DACH1: variants seen among roughly 807,000 people sequenced by gnomAD.
DACH1 encodes dachshund family transcription factor 1.
A neutral mutation model predicts 54.2 loss-of-function variants in DACH1; 12 were observed. The observed-to-expected ratio is 0.22, with a 90% CI of 0.14 to 0.36. The LOEUF is 0.36. DACH1 is among the 10% of genes least tolerant of loss of function. The probability of loss-of-function intolerance (pLI) is 1.00; values close to 1 mark genes in which losing one functional copy is unlikely to be tolerated. For missense variants in DACH1, 805 were observed against 929.8 expected, an observed-to-expected ratio of 0.87 and a Z score of 1.75; for synonymous variants, 386 against 366.2, an observed-to-expected ratio of 1.05 and a Z score of -0.62.
At chr13:71,820,455 T>C (rs888675042) in intron 1 of DACH1, among the ~76,000 whole-genome samples, 2 of 152,122 alleles carry the variant, frequency 1.3e-5, no homozygotes, top group South Asian at 4.1e-4. Flanking sequence ...CAGGGCTTTG[T>C]AGAGTATGGT....
chr13:71,744,811 G>A (rs1312081166), intron 1 of DACH1, among the ~76,000 whole-genome samples: 2 of 152,092 alleles, frequency 1.3e-5, no homozygotes, highest in Non-Finnish European at 2.9e-5. Context: ...AAACATCATA[G>A]GTTAAAAGTG....
At chr13:71,551,682 T>C (rs1200347391) in intron 6 of DACH1, among the ~76,000 whole-genome samples, 1 of 152,090 alleles carries the variant, frequency 6.6e-6, no homozygotes, top group Non-Finnish European at 1.5e-5. Flanking sequence ...AATAAAAATA[T>C]ATTTCAAAAA....
At chr13:71,594,314 A>C (rs930610399) in intron 3 of DACH1, among the ~76,000 whole-genome samples, 3 of 152,080 alleles carry the variant, frequency 2.0e-5, no homozygotes, top group Non-Finnish European at 4.4e-5. Context: ...AAAGCTATTT[A>C]ATTTACAAAA....
intron 7 of DACH1, among the ~76,000 whole-genome samples, chr13:71,487,234 T>C (rs1878611122): frequency 6.6e-6 from 1 of 152,168 alleles, no homozygotes; most frequent in South Asian, 2.1e-4. Context: ...GGAATAGAAA[T>C]AAATTATTTA....
intron 3 of DACH1, among the ~76,000 whole-genome samples, chr13:71,600,837 C>G (rs1874436907): frequency 6.6e-6 from 1 of 151,928 alleles, no homozygotes. Context: ...AAGTCATTCT[C>G]AAAACTGACT....
At position 71,587,952 on chromosome 13, in the gene DACH1, A is replaced by G. The variant is rs569912737; in HGVS notation, c.1127-14940T>C. ...GTTGTGTAGCAATGATTCTGTATCAATTACATTCGGTTGGTCCTGTAGGGC... is the reference window on the plus strand; with the variant it reads ...GTTGTGTAGCAATGATTCTGTATCAGTTACATTCGGTTGGTCCTGTAGGGC... On this transcript the variant is annotated intron_variant, in intron 3 of 10. Transcript: ENST00000613252. Among the ~76,000 whole-genome samples, 40 of 152,240 alleles carry G rather than the reference A, an allele frequency of 2.6e-4. 1 individual carries two copies. In the South Asian group the frequency reaches 7.2e-3, roughly 28 times the overall value.
chr13:71,784,113 T>C (rs571356908), intron 1 of DACH1, among the ~76,000 whole-genome samples: 2 of 152,182 alleles, frequency 1.3e-5, no homozygotes, highest in African/African-American at 4.8e-5. Flanking sequence ...AGGTGATGTA[T>C]ACTTTAGCAC....
chr13:71,509,907 C>T (rs1015722720), intron 6 of DACH1, among the ~76,000 whole-genome samples: 2 of 151,966 alleles, frequency 1.3e-5, no homozygotes, highest in Non-Finnish European at 2.9e-5. Flanking sequence ...TTATCTTTTC[C>T]TCACAATTTA....
At chr13:71,619,748 T>C (rs1453460276) in intron 3 of DACH1, among the ~76,000 whole-genome samples, 1 of 151,974 alleles carries the variant, frequency 6.6e-6, no homozygotes, top group East Asian at 1.9e-4. Context: ...ATGTGGGGTT[T>C]GTGTATGAGT....
At chr13:71,848,134 G>T (rs772864936) in intron 1 of DACH1, among the ~76,000 whole-genome samples, 1 of 151,880 alleles carries the variant, frequency 6.6e-6, no homozygotes. Flanking sequence ...AATAATACCC[G>T]CTTTAATTTT....
chr13:71,580,186 T>C (rs1885770883), intron 3 of DACH1, among the ~76,000 whole-genome samples: 1 of 152,214 alleles, frequency 6.6e-6, no homozygotes, highest in African/African-American at 2.4e-5. Context: ...TAAAACTTAT[T>C]CATACAGTTC....
intron 1 of DACH1, among the ~76,000 whole-genome samples, chr13:71,835,587 G>GA (rs1888752375): frequency 6.6e-6 from 1 of 151,970 alleles, no homozygotes; most frequent in Non-Finnish European, 1.5e-5. Flanking sequence ...ATGTATTGGT[G>GA]AAAAAAAGAG....
intron 1 of DACH1, among the ~76,000 whole-genome samples, chr13:71,787,386 A>G (rs1002865258): frequency 6.6e-6 from 1 of 152,190 alleles, no homozygotes; most frequent in African/African-American, 2.4e-5. Context: ...TAAAAAGGTA[A>G]TCTTACTTTA....
At chr13:71,638,309 T>A (rs1877639010) in intron 2 of DACH1, among the ~76,000 whole-genome samples, 1 of 152,200 alleles carries the variant, frequency 6.6e-6, no homozygotes, top group African/African-American at 2.4e-5. Flanking sequence ...CATGCACAGC[T>A]ATTAGCAATA....
chr13:71,711,688 T>C (rs1436517371), intron 1 of DACH1, among the ~76,000 whole-genome samples: 1 of 152,078 alleles, frequency 6.6e-6, no homozygotes, highest in Non-Finnish European at 1.5e-5. Flanking sequence ...GAATAAGCAA[T>C]ATGGGGACCA....
chr13:71,835,456 C>T (rs560580490), intron 1 of DACH1, among the ~76,000 whole-genome samples: 126 of 152,176 alleles, frequency 8.3e-4, no homozygotes, highest in Non-Finnish European at 1.4e-3. Context: ...GAATCCTGTT[C>T]TCTTGGCCTG....
At chr13:71,595,501 G>A (rs1874031642) in intron 3 of DACH1, among the ~76,000 whole-genome samples, 1 of 152,080 alleles carries the variant, frequency 6.6e-6, no homozygotes, top group Non-Finnish European at 1.5e-5. Context: ...TAATGGAGAA[G>A]GAAAGAAGTA....
intron 9 of DACH1, 27 bp from the exon 10 acceptor site, chr13:71,475,236 C>A: frequency 6.3e-7 from 1 of 1,587,770 alleles, no homozygotes. Flanking sequence ...GTAAGAGTGA[C>A]ACATATTTCA....
At chr13:71,798,323 C>CATAT (rs35310464) in intron 1 of DACH1, among the ~76,000 whole-genome samples, 2,450 of 96,062 alleles carry the variant, frequency 0.026, 51 homozygotes, top group African/African-American at 0.039. Context: ...TTGTTACATA[C>CATAT]ATATATATAT....
Sources: gnomAD v4.1 joint callset for allele counts (sites outside exome capture counted in the v4.1 genomes callset) on GRCh38, gnomAD v4.1.1 for gene constraint, MANE v1.5 for transcripts, NCBI Gene and HGNC (gene_info 2026-07-23, HGNC 2026-07-21) for gene names.